The following CMIP variants were observed in gnomAD, a reference collection of about 807,000 sequenced individuals.
The protein encoded by CMIP is C-Maf-inducing protein.
CMIP carries 13 observed loss-of-function variants against 97.3 expected under a neutral mutation model. That is an observed-to-expected ratio of 0.13 (90% confidence interval 0.09 to 0.21). CMIP has a LOEUF of 0.21. Ranked by LOEUF, CMIP falls within the 10% of genes least tolerant of loss-of-function variation. The probability of loss-of-function intolerance (pLI) is 1.00; values close to 1 mark genes in which losing one functional copy is unlikely to be tolerated. For synonymous variants in CMIP, 538 were observed against 436.3 expected (o/e 1.23, Z -2.91); for missense variants, 847 against 1,024.9 (o/e 0.83, Z 2.37).
chr16:81,642,971 C>T (rs975888533), intron 3 of CMIP, among the ~76,000 whole-genome samples: 1 of 152,214 alleles, frequency 6.6e-6, no homozygotes, highest in African/African-American at 2.4e-5. Context: ...TGAAGCAAAG[C>T]TGCCACAGCC....
chr16:81,501,232 C>A (rs1254351872), intron 1 of CMIP, among the ~76,000 whole-genome samples: 1 of 152,174 alleles, frequency 6.6e-6, no homozygotes, highest in Non-Finnish European at 1.5e-5. Context: ...TAAGGAATTT[C>A]TGAGATCGAG....
intron 1 of CMIP, among the ~76,000 whole-genome samples, chr16:81,578,949 G>A (rs2091249132): frequency 6.6e-6 from 1 of 152,262 alleles, no homozygotes; most frequent in Non-Finnish European, 1.5e-5. Context: ...GTGGGAGACA[G>A]CAGAGGGAAC....
At chr16:81,622,652 A>C (rs2092008236) in intron 3 of CMIP, among the ~76,000 whole-genome samples, 1 of 152,186 alleles carries the variant, frequency 6.6e-6, no homozygotes, top group Non-Finnish European at 1.5e-5. Context: ...GTTGGGGGAA[A>C]AATGCCTTAT....
At chr16:81,476,338 A>T in intron 1 of CMIP, 1 of 1,425,734 alleles carries the variant, frequency 7.0e-7, no homozygotes, top group Non-Finnish European at 9.9e-7. Flanking sequence ...ACCCTGATAC[A>T]TAAACCCTGG....
intron 1 of CMIP, among the ~76,000 whole-genome samples, chr16:81,542,387 C>A: frequency 6.6e-6 from 1 of 152,170 alleles, no homozygotes; most frequent in East Asian, 1.9e-4. Context: ...CTCTGTGAGG[C>A]ACCGAGGGTG....
intron 10 of CMIP, among the ~76,000 whole-genome samples, chr16:81,685,209 C>T (rs911180308): frequency 2.0e-5 from 3 of 152,226 alleles, no homozygotes; most frequent in African/African-American, 7.2e-5. Flanking sequence ...CTTGCCCTCT[C>T]CCTCCTTCCC....
At chr16:81,604,544 A>G (rs1477144265) in intron 1 of CMIP, among the ~76,000 whole-genome samples, 1 of 151,408 alleles carries the variant, frequency 6.6e-6, no homozygotes, top group Non-Finnish European at 1.5e-5. Context: ...CTAAAAATAC[A>G]AAAAAAATTA....
chr16:81,665,270 C>T (rs543973263), intron 7 of CMIP: 1 of 152,242 alleles, frequency 6.6e-6, no homozygotes, highest in South Asian at 2.1e-4. Context: ...CCATTATTTG[C>T]CCTGTATGTC....
chr16:81,524,587 C>T (rs551294876), intron 1 of CMIP, among the ~76,000 whole-genome samples: 3 of 152,328 alleles, frequency 2.0e-5, no homozygotes, highest in Admixed American at 6.5e-5. Flanking sequence ...GCAGCCATCA[C>T]GGCCCTCATT....
At chr16:81,668,373 G>C (rs1410847836) in intron 7 of CMIP, among the ~76,000 whole-genome samples, 2 of 152,154 alleles carry the variant, frequency 1.3e-5, no homozygotes, top group South Asian at 4.1e-4. Context: ...ACAGGCCCCT[G>C]TCCGGCCCGT....
intron 1 of CMIP, among the ~76,000 whole-genome samples, chr16:81,473,377 G>A (rs751601478): frequency 6.6e-6 from 1 of 152,202 alleles, no homozygotes; most frequent in Non-Finnish European, 1.5e-5. Flanking sequence ...GGACTGAGCT[G>A]TTTTCCTCTT....
chr16:81,476,157 C>G, intron 1 of CMIP: 3 of 1,121,934 alleles, frequency 2.7e-6, no homozygotes, highest in East Asian at 2.4e-5. Context: ...TTGCGTTCAA[C>G]CACTCAGTCT....
At position 81,655,300 on chromosome 16, in the gene CMIP, C is replaced by G. The variant is rs1219217413; in HGVS notation, c.640-2475C>G. Among the ~76,000 whole-genome samples, 1 of 152,114 alleles carries G rather than the reference C, an allele frequency of 6.6e-6. No individual in the cohort carries two copies. The highest frequency in any genetic ancestry group is 1.5e-5 in the Non-Finnish European group (1 of 68,018). ...TGGAGAGGTTCCAGGCATCACCAGA[C>G]CAACCAGAAGGTGGAAGGATCTGGA... On this transcript the variant is annotated intron_variant, in intron 4 of 20. Coordinates refer to ENST00000537098, the MANE Select transcript of CMIP (RefSeq NM_198390.3). This position sits in a 1 kb window ranked among gnomAD's most constrained non-coding sequence, Gnocchi z 4.9.
chr16:81,561,096 A>G (rs148282710), intron 1 of CMIP, among the ~76,000 whole-genome samples: 163 of 152,336 alleles, frequency 1.1e-3, no homozygotes, highest in African/African-American at 3.7e-3. Flanking sequence ...CTGGGATTAC[A>G]GGCACATGCC....
intron 1 of CMIP, among the ~76,000 whole-genome samples, chr16:81,500,562 C>T (rs1413127715): frequency 3.3e-5 from 5 of 150,464 alleles, no homozygotes; most frequent in African/African-American, 9.8e-5. Context: ...GATCTCCGCT[C>T]ACTGCAACCT....
intron 1 of CMIP, among the ~76,000 whole-genome samples, chr16:81,589,316 C>T (rs548128279): frequency 1.7e-4 from 26 of 152,232 alleles, no homozygotes; most frequent in Admixed American, 1.3e-3. Flanking sequence ...TGGCTGGTCT[C>T]GAACTCCTGG....
In CMIP at chr16:81,652,106, C is replaced by A; in HGVS notation, c.478-97C>A. ...GCCAAGTTGTCAGTTTCTCAGGGCCCTTTACACCCTAACCCATCTGATTCT... is the reference window on the plus strand; with the variant it reads ...GCCAAGTTGTCAGTTTCTCAGGGCCATTTACACCCTAACCCATCTGATTCT... On this transcript the variant is annotated intron_variant, in intron 3 of 20. Coordinates refer to ENST00000537098, the MANE Select transcript of CMIP (RefSeq NM_198390.3). This position sits in a 1 kb window ranked among gnomAD's most constrained non-coding sequence, Gnocchi z 5.2. 1 of 991,104 alleles carries A rather than the reference C, an allele frequency of 1.0e-6. No individual in the cohort carries two copies. Among genetic ancestry groups the A allele is most frequent in the East Asian group, 2.4e-5 (1 of 41,080 alleles). The allele number at this position is 991,104 out of a possible 1,614,324, so 61.4% of individuals were successfully genotyped here. A position where few individuals can be genotyped will look rare whatever the true frequency, so the allele number is the denominator to read the frequency against.
intron 1 of CMIP, among the ~76,000 whole-genome samples, chr16:81,553,818 C>G (rs1350369586): frequency 1.3e-5 from 2 of 152,368 alleles, no homozygotes; most frequent in East Asian, 3.9e-4. Context: ...TTCTAATTAG[C>G]AAAGATAGAC....
chr16:81,706,177 C>T (rs1908117701), intron 19 of CMIP, among the ~76,000 whole-genome samples: 1 of 152,222 alleles, frequency 6.6e-6, no homozygotes, highest in Non-Finnish European at 1.5e-5. Flanking sequence ...ATATTGAGCC[C>T]GGGATTCTGT....
Sources: allele counts gnomAD v4.1 joint callset (sites outside exome capture counted in the v4.1 genomes callset), GRCh38; gene constraint gnomAD v4.1.1; non-coding constraint Gnocchi (gnomAD v3.1); transcripts MANE v1.5; gene names NCBI Gene and HGNC (gene_info 2026-07-23, HGNC 2026-07-21).